The following FAM171A1 variants were observed in gnomAD, a reference collection of about 807,000 sequenced individuals.
FAM171A1 encodes protein FAM171A1.
A neutral mutation model predicts 74.9 loss-of-function variants in FAM171A1; 23 were observed. The ratio of observed to expected loss-of-function variants is 0.31; its 90% CI spans 0.22 to 0.44. The LOEUF is 0.44. Ranked by LOEUF, FAM171A1 falls within the 20% of genes least tolerant of loss-of-function variation. The pLI is 1.00. For synonymous variants in FAM171A1, 527 were observed against 505.7 expected, an observed-to-expected ratio of 1.04 and a Z score of -0.57; for missense variants, 1,162 against 1,159.2, an observed-to-expected ratio of 1.00 and a Z score of -0.03.
chr10:15,304,790 G>A (rs1466592081), intron 1 of FAM171A1, among the ~76,000 whole-genome samples: 1 of 152,150 alleles, frequency 6.6e-6, no homozygotes, highest in African/African-American at 2.4e-5. Context: ...AGGCTAGAGT[G>A]CACTGGCGCA....
At chr10:15,275,172 A>G (rs954161106) in intron 3 of FAM171A1, among the ~76,000 whole-genome samples, 4 of 152,226 alleles carry the variant, frequency 2.6e-5, no homozygotes, top group Non-Finnish European at 4.4e-5. Flanking sequence ...TAATGGGTGC[A>G]GTACACCAAC....
chr10:15,312,827 A>G (rs1034495223), intron 1 of FAM171A1, among the ~76,000 whole-genome samples: 1 of 150,970 alleles, frequency 6.6e-6, no homozygotes, highest in African/African-American at 2.4e-5. Flanking sequence ...CCTCCTGAGT[A>G]GCTGGGATTA....
At chr10:15,243,184 T>C (rs1392521163) in intron 5 of FAM171A1, among the ~76,000 whole-genome samples, 1 of 152,114 alleles carries the variant, frequency 6.6e-6, no homozygotes, top group Admixed American at 6.5e-5. Flanking sequence ...GGTCCCCTTC[T>C]CGCATTTCCA....
chr10:15,302,422 G>A (rs1355609396), intron 1 of FAM171A1, among the ~76,000 whole-genome samples: 3 of 149,160 alleles, frequency 2.0e-5, no homozygotes, highest in East Asian at 4.0e-4. Flanking sequence ...CCGAAATTGC[G>A]CCACTGCACT....
intron 5 of FAM171A1, among the ~76,000 whole-genome samples, chr10:15,227,744 T>A (rs941253687): frequency 2.6e-5 from 4 of 152,240 alleles, no homozygotes; most frequent in Non-Finnish European, 5.9e-5. Flanking sequence ...TTTTCAAGTA[T>A]AAACAATTTG....
intron 6 of FAM171A1, among the ~76,000 whole-genome samples, chr10:15,218,937 T>C (rs1325884020): frequency 6.6e-6 from 1 of 152,090 alleles, no homozygotes; most frequent in Non-Finnish European, 1.5e-5. Flanking sequence ...CCTTCACTGC[T>C]AGGAAGCTCT....
At chr10:15,256,402 C>T (rs1260546900) in intron 3 of FAM171A1, among the ~76,000 whole-genome samples, 3 of 152,190 alleles carry the variant, frequency 2.0e-5, no homozygotes, top group Non-Finnish European at 4.4e-5. Context: ...GGCAGGGAGT[C>T]ACAATGCTCC....
At position 15,284,012 on chromosome 10, in the gene FAM171A1, G is replaced by A. The variant is rs1488215058; in HGVS notation, c.191C>T (p.Ala64Val). The change falls in exon 2 of 8, where the codon GCC (alanine) becomes GTC (valine). Residue 64 changes from alanine (A) to valine (V), a missense_variant. Coordinates refer to ENST00000378116, the MANE Select transcript of FAM171A1 (RefSeq NM_001010924.2). ...IEIFTNQASI[A>V]SGTSGTDGVA... Reference sequence around the variant, plus strand: ...GCCATCAGTCCCCGAGGTGCCAGAGGCTATGGAGGCCTGGTTGGTGAAGAT... The same window carrying A: ...GCCATCAGTCCCCGAGGTGCCAGAGACTATGGAGGCCTGGTTGGTGAAGAT... 5 of 1,614,176 alleles carry A rather than the reference G, an allele frequency of 3.1e-6. No individual in the cohort carries two copies. The highest frequency in any genetic ancestry group is 3.4e-6 in the Non-Finnish European group (4 of 1,180,024).
At chr10:15,341,869 T>A (rs999106642) in intron 1 of FAM171A1, among the ~76,000 whole-genome samples, 5 of 152,212 alleles carry the variant, frequency 3.3e-5, no homozygotes, top group South Asian at 2.1e-4. Flanking sequence ...CATTTGCTCA[T>A]GAAGGTCGAC....
At chr10:15,276,008 A>C in intron 2 of FAM171A1, 61 bp from the exon 3 acceptor site, 1 of 1,184,676 alleles carries the variant, frequency 8.4e-7, no homozygotes, top group Non-Finnish European at 1.2e-6. Flanking sequence ...TGCCTACTCT[A>C]ATTTTTGGGA....
At chr10:15,290,731 AT>A (rs1322778028) in intron 1 of FAM171A1, among the ~76,000 whole-genome samples, 1 of 152,088 alleles carries the variant, frequency 6.6e-6, no homozygotes, top group East Asian at 1.9e-4. Flanking sequence ...AGGAGGTGTC[AT>A]TTTAGCTTAG....
At chr10:15,275,104 G>T (rs966157468) in intron 3 of FAM171A1, among the ~76,000 whole-genome samples, 7 of 152,092 alleles carry the variant, frequency 4.6e-5, no homozygotes, top group African/African-American at 1.7e-4. Flanking sequence ...GCCTGTCGTG[G>T]GGTTGGGGGA....
chr10:15,300,686 G>A (rs1174443602), intron 1 of FAM171A1, among the ~76,000 whole-genome samples: 1 of 147,180 alleles, frequency 6.8e-6, no homozygotes, highest in Non-Finnish European at 1.5e-5. Context: ...ACAACCTAGA[G>A]TTGATGGTCA....
intron 1 of FAM171A1, among the ~76,000 whole-genome samples, chr10:15,312,180 C>T (rs181390782): frequency 2.4e-4 from 36 of 152,270 alleles, no homozygotes; most frequent in Non-Finnish European, 2.1e-4. Flanking sequence ...CAGATCGGGT[C>T]ATCGAAAGAG....
At chr10:15,229,451 CCAT>C (rs1363734234) in intron 5 of FAM171A1, among the ~76,000 whole-genome samples, 1 of 148,716 alleles carries the variant, frequency 6.7e-6, no homozygotes, top group Admixed American at 6.7e-5. Context: ...ATCGTCACCA[CCAT>C]CATTGTCACC....
intron 1 of FAM171A1, among the ~76,000 whole-genome samples, chr10:15,329,159 A>G (rs1835596102): frequency 6.6e-6 from 1 of 152,238 alleles, no homozygotes; most frequent in Non-Finnish European, 1.5e-5. Flanking sequence ...CAAGTACTGC[A>G]TATTTTTAGT....
chr10:15,252,696 T>C (rs945929805), intron 4 of FAM171A1, among the ~76,000 whole-genome samples: 19 of 152,192 alleles, frequency 1.2e-4, no homozygotes, highest in Admixed American at 2.6e-4. Context: ...CATTTCTAGG[T>C]CAAGTCATCC....
At chr10:15,270,652 C>T (rs11259588) in intron 3 of FAM171A1, among the ~76,000 whole-genome samples, 40,923 of 152,036 alleles carry the variant, frequency 0.27, 5,672 homozygotes, top group Middle Eastern at 0.31. Context: ...ACACCTCATA[C>T]GGCTGGGTGC....
At position 15,296,616 on chromosome 10, in the gene FAM171A1, C is replaced by T. The variant is rs181388296; in HGVS notation, c.98-12511G>A. Among the ~76,000 whole-genome samples the T allele has an allele frequency of 1.4e-3, 219 of 152,292 alleles. 2 individuals are homozygous for T. The highest frequency in any genetic ancestry group is 5.2e-3 in the African/African-American group (216 of 41,562). On this transcript the variant is annotated intron_variant, in intron 1 of 7. Coordinates refer to ENST00000378116, the MANE Select transcript of FAM171A1 (RefSeq NM_001010924.2). ...ACGAATACGCTGGGCACTAGAACCC[C>T]CCCTAGCTTCCTGGGTCCCCTCTCC...
Sources: allele counts gnomAD v4.1 joint callset (sites outside exome capture counted in the v4.1 genomes callset), GRCh38; gene constraint gnomAD v4.1.1; transcripts MANE v1.5; gene names NCBI Gene and HGNC (gene_info 2026-07-23, HGNC 2026-07-21).